Variants in SEMG2 observed in about 807,000 individuals in gnomAD.
The protein encoded by SEMG2 is semenogelin 2.
SEMG2 carries 3 observed loss-of-function variants against 8.1 expected under a neutral mutation model. That is an observed-to-expected ratio of 0.37 (90% CI 0.17 to 0.96). The LOEUF is 0.96. SEMG2 is among the 40% of genes least tolerant of loss of function. The pLI is 0.41. For synonymous variants in SEMG2, 252 were observed against 231.4 expected, an observed-to-expected ratio of 1.09 and a Z score of -0.81; for missense variants, 726 against 671.2, an observed-to-expected ratio of 1.08 and a Z score of -0.90.
At position 45,222,427 on chromosome 20, in the gene SEMG2, G is replaced by T. The variant is rs1473621444; in HGVS notation, c.795G>T (p.Lys265Asn). The change falls in exon 2 of 3, where the codon AAG (lysine) becomes AAT (asparagine). Residue 265 changes from lysine to asparagine, a missense_variant. Coordinates refer to ENST00000372769, the MANE Select transcript of SEMG2 (RefSeq NM_003008.3). Reference sequence around the variant, plus strand: ...AAGATGAGCTCCTAGTATATAACAAGAATCAACACCAGACAAAAAATCTCA... The same window carrying T: ...AAGATGAGCTCCTAGTATATAACAATAATCAACACCAGACAAAAAATCTCA... ...TTQDELLVYN[K>N]NQHQTKNLSQ... 1.9e-6 allele frequency: 3 copies of T among 1,613,918 alleles called. No homozygotes were observed. In the Admixed American group the frequency reaches 5.0e-5, roughly 27 times the overall value.
rs372989211 is a variant in SEMG2 at position 45,223,036 on chromosome 20, C to A, written c.1404C>A (p.Tyr468Ter). Reference sequence around the variant, plus strand: ...GCCATAAGGAAAATAAAATGTCATACCAATCTTCAAGTACAGAAGAAAGAC... The same window carrying A: ...GCCATAAGGAAAATAAAATGTCATAACAATCTTCAAGTACAGAAGAAAGAC... ...EHGHKENKMS[Y>*]QSSSTEERRL... is the part of the protein sequence containing the mutation. The change falls in exon 2 of 3, where the codon TAC (tyrosine) becomes TAA (stop). Residue 468 changes from tyrosine (Y) to a stop codon, truncating the protein, a stop_gained. Transcript: ENST00000372769. LOFTEE classifies it low-confidence loss of function (END_TRUNC). 7.4e-6 allele frequency: 12 copies of A among 1,613,982 alleles called. No individual in the cohort carries two copies. In the African/African-American group the frequency reaches 1.5e-4, roughly 20 times the overall value.
intron 1 of SEMG2, 51 bp downstream of exon 1, chr20:45,221,516 C>T: frequency 6.2e-7 from 1 of 1,602,526 alleles, no homozygotes; most frequent in Non-Finnish European, 8.5e-7. Flanking sequence ...AAAATGGCCT[C>T]TAAGGATATT....
chr20:45,223,266 G>A lies in SEMG2; in HGVS notation c.1634G>A (p.Arg545Lys). 1 of 1,614,140 alleles carries A rather than the reference G, an allele frequency of 6.2e-7. No homozygotes were observed. The highest frequency in any genetic ancestry group is 1.3e-5 in the African/African-American group (1 of 75,044). ...CTACTCAGTCATGAACAAAAAGGCA[G>A]ATACAAACAGGAATCCAGTGAGTCA... Reference protein sequence around the residue: ...QDLLSHEQKGRYKQESSESHN... With the variant: ...QDLLSHEQKGKYKQESSESHN... The change falls in exon 2 of 3, where the codon AGA (arginine) becomes AAA (lysine). Residue 545 changes from arginine to lysine, a missense_variant. Arg to Lys is a conservative substitution (Grantham distance 26). Transcript: ENST00000372769.
At position 45,222,495 on chromosome 20, in the gene SEMG2, A is replaced by AC; in HGVS notation, c.866dup (p.Ser290ValfsTer30). ...GGCCGGAAGGCACATAAAATATCATACCCGTCTTCACGTACAGAAGAAAGA... is the reference window on the plus strand; with the variant it reads ...GGCCGGAAGGCACATAAAATATCATACCCCGTCTTCACGTACAGAAGAAAGA... On this transcript the variant is annotated frameshift_variant, in exon 2 of 3. Transcript: ENST00000372769. LOFTEE classifies it low-confidence loss of function (END_TRUNC). 6.2e-7 allele frequency: 1 copy of AC among 1,613,930 alleles called. No homozygotes were observed. The highest frequency in any genetic ancestry group is 8.5e-7 in the Non-Finnish European group (1 of 1,179,974).
rs1984025527 is a variant in SEMG2, at chr20:45,221,993, G to A, written c.361G>A (p.Gly121Ser). The stretch of plus-strand genomic sequence containing the variant: ...AGGCAGAGACCATGATAAATCAAAA[G>A]GTCATTTTCACATGATAGTTATACA... Reference protein sequence around the residue: ...QEGRDHDKSKGHFHMIVIHHK... With the variant: ...QEGRDHDKSKSHFHMIVIHHK... Residue 121 changes from glycine (G) to serine (S), a missense_variant, in exon 2 of 3, where the codon GGT (glycine) becomes AGT (serine). Transcript: ENST00000372769. 4 of 1,613,894 alleles carry A rather than the reference G, an allele frequency of 2.5e-6. No individual in the cohort carries two copies. Among genetic ancestry groups the A allele is most frequent in the Non-Finnish European group, 3.4e-6 (4 of 1,179,988 alleles).
chr20:45,222,169 TG>T lies in SEMG2; in HGVS notation c.539del (p.Gly180ValfsTer22), dbSNP rs1568840772. Reference protein sequence around the residue: ...GLSKEQASASGAQKGRTQGGS... With the variant: ...GLSKEQASASXAQKGRTQGGS... Reference sequence around the variant, plus strand: ...TAAGTAAAGAACAAGCTTCAGCCTCTGGTGCACAAAAAGGTAGAACACAAGG... The same window carrying T: ...TAAGTAAAGAACAAGCTTCAGCCTCTGTGCACAAAAAGGTAGAACACAAGG... On this transcript the variant is annotated frameshift_variant, in exon 2 of 3. Coordinates refer to ENST00000372769, the MANE Select transcript of SEMG2 (RefSeq NM_003008.3). LOFTEE classifies it low-confidence loss of function (END_TRUNC). 1 of 1,614,072 alleles carries T rather than the reference TG, an allele frequency of 6.2e-7. No individual in the cohort carries two copies. Among genetic ancestry groups the T allele is most frequent in the Admixed American group, 1.7e-5 (1 of 60,008 alleles).
In SEMG2 at chr20:45,223,439, T is replaced by C; in HGVS notation, c.*44+14T>C. 2 of 1,278,888 alleles carry C rather than the reference T, an allele frequency of 1.6e-6. No individual in the cohort carries two copies. The highest frequency in any genetic ancestry group is 2.2e-6 in the Non-Finnish European group (2 of 909,358). The allele number at this position is 1,278,888 out of a possible 1,614,324, so 79.2% of individuals were successfully genotyped here. A position where few individuals can be genotyped will look rare whatever the true frequency, so the allele number is the denominator to read the frequency against. On this transcript the variant is annotated intron_variant, in intron 2 of 2. Transcript: ENST00000372769. The stretch of plus-strand genomic sequence containing the variant: ...ACCAATAGCAAGGTAAGTTTGCTTT[T>C]CTTACCAAATAGGAGAGGTGCCTGT...
Position 45,223,274 on chromosome 20 carries a change from C to G in SEMG2, c.1642C>G (p.Gln548Glu). 1 of 1,614,126 alleles carries G rather than the reference C, an allele frequency of 6.2e-7. No individual in the cohort carries two copies. Among genetic ancestry groups the G allele is most frequent in the Non-Finnish European group, 8.5e-7 (1 of 1,179,970 alleles). Residue 548 changes from glutamine (Q) to glutamate (E), a missense_variant, in exon 2 of 3, where the codon CAG becomes GAG. By Grantham distance (29) the Gln-to-Glu change is conservative (BLOSUM62 2). Coordinates refer to ENST00000372769, the MANE Select transcript of SEMG2 (RefSeq NM_003008.3). The stretch of plus-strand genomic sequence containing the variant: ...TCATGAACAAAAAGGCAGATACAAA[C>G]AGGAATCCAGTGAGTCACATAATAT... ...LSHEQKGRYK[Q>E]ESSESHNIVI...
Position 45,222,316 on chromosome 20 carries a change from G to A in SEMG2, c.684G>A (p.Glu228=). ...GHYQNVVDVR[E]EHSSKLQTSL... ...ACCAAAATGTGGTTGACGTGAGAGA[G>A]GAACATTCAAGTAAACTACAAACTT... Residue 228 remains glutamate (E), a synonymous_variant, in exon 2 of 3, where the codon GAG becomes GAA. Transcript: ENST00000372769. 1 of 1,614,054 alleles carries A rather than the reference G, an allele frequency of 6.2e-7. No homozygotes were observed. Among genetic ancestry groups the A allele is most frequent in the Non-Finnish European group, 8.5e-7 (1 of 1,179,992 alleles).
rs1411953069 is a variant in SEMG2, at chr20:45,221,521, G to C, written c.76+56G>C. 4 of 1,592,542 alleles carry C rather than the reference G, an allele frequency of 2.5e-6. No homozygotes were observed. In the African/African-American group the frequency reaches 4.0e-5, roughly 16 times the overall value. The stretch of plus-strand genomic sequence containing the variant: ...CTACTTTAAAAAAATGGCCTCTAAG[G>C]ATATTCAGGGTGCAAACAGTAACCT... On this transcript the variant is annotated intron_variant, in intron 1 of 2. Transcript: ENST00000372769.
In SEMG2 at chr20:45,223,006, G is replaced by A. The variant is rs1331183326; in HGVS notation, c.1374G>A (p.Glu458=). 1 of 1,614,136 alleles carries A rather than the reference G, an allele frequency of 6.2e-7. No individual in the cohort carries two copies. The change falls in exon 2 of 3, where the codon GAG becomes GAA. Residue 458 remains glutamate (E), a synonymous_variant. Transcript: ENST00000372769. ...NQVTIPSQDQ[E]HGHKENKMSY... is the part of the protein sequence containing the mutation. ...TAACAATTCCTAGTCAAGATCAAGAGCATGGCCATAAGGAAAATAAAATGT... is the reference window on the plus strand; with the variant it reads ...TAACAATTCCTAGTCAAGATCAAGAACATGGCCATAAGGAAAATAAAATGT...
chr20:45,223,405 A>G lies in SEMG2; in HGVS notation c.*24A>G. The G allele has an allele frequency of 1.3e-6, 2 of 1,539,574 alleles. No homozygotes were observed. Among genetic ancestry groups the G allele is most frequent in the Non-Finnish European group, 1.8e-6 (2 of 1,124,170 alleles). ...AGCCCTGTTGCTTAGCAACCACTTG[A>G]AAAGCTGGACCAATAGCAAGGTAAG... is the stretch of plus-strand genomic sequence containing the variant. On this transcript the variant is annotated 3_prime_UTR_variant, in exon 2 of 3. Transcript: ENST00000372769.
chr20:45,221,466 G>C lies in SEMG2; in HGVS notation c.76+1G>C. Reference sequence around the variant, plus strand: ...CAAGCAGCTGTGATGGGACAAAAAGGTGAGTGGAGAGGGTAAGCCTTGGGG... The same window carrying C: ...CAAGCAGCTGTGATGGGACAAAAAGCTGAGTGGAGAGGGTAAGCCTTGGGG... On this transcript the variant is annotated splice_donor_variant, in intron 1 of 2. Transcript: ENST00000372769. LOFTEE classifies it high-confidence loss of function. 1.9e-6 allele frequency: 3 copies of C among 1,614,114 alleles called. No individual in the cohort carries two copies. Among genetic ancestry groups the C allele is most frequent in the South Asian group, 2.2e-5 (2 of 91,084 alleles).
In SEMG2 at chr20:45,224,272, T is replaced by C. The variant is rs1441694893; in HGVS notation, c.*45-19T>C. ...CTCTCCACTATCCTCACATATCTGG[T>C]TGTCTTTTTTCTCCCTAGGTGTCAC... is the stretch of plus-strand genomic sequence containing the variant. On this transcript the variant is annotated intron_variant, in intron 2 of 2. Coordinates refer to ENST00000372769, the MANE Select transcript of SEMG2 (RefSeq NM_003008.3). 6.6e-6 allele frequency: 1 copy of C among 152,280 alleles called. No individual in the cohort carries two copies. The allele number at this position is 152,280 out of a possible 1,614,324, so 9.4% of individuals were successfully genotyped here.
At chr20:45,223,704 C>G (rs1184142694) in intron 2 of SEMG2, among the ~76,000 whole-genome samples, 1 of 152,160 alleles carries the variant, frequency 6.6e-6, no homozygotes, top group Non-Finnish European at 1.5e-5. Context: ...TTTGAACATG[C>G]ACTGACTATA....
In SEMG2 at chr20:45,224,293, G is replaced by A. The variant is rs903884497; in HGVS notation, c.*47G>A. 3.3e-5 allele frequency: 5 copies of A among 152,234 alleles called. No individual in the cohort carries two copies. Among genetic ancestry groups the A allele is most frequent in the African/African-American group, 1.2e-4 (5 of 41,404 alleles). The allele number at this position is 152,234 out of a possible 1,614,324, so 9.4% of individuals were successfully genotyped here. On this transcript the variant is annotated splice_region_variant and 3_prime_UTR_variant, in exon 3 of 3. Coordinates refer to ENST00000372769, the MANE Select transcript of SEMG2 (RefSeq NM_003008.3). ...CTGGTTGTCTTTTTTCTCCCTAGGT[G>A]TCACCCGACCTCAGTGAAGTCTTTG...
chr20:45,222,788 T>C lies in SEMG2; in HGVS notation c.1156T>C (p.Ser386Pro). The change falls in exon 2 of 3, where the codon TCT becomes CCT. Residue 386 changes from serine to proline, a missense_variant. Physicochemically the swap from Ser to Pro is moderately conservative, Grantham distance 74. Transcript: ENST00000372769. The part of the protein sequence containing the change: ...IQTEEQIHGK[S>P]QNQVRIPSQA... ...AACTGAAGAGCAAATACATGGCAAGTCTCAAAACCAGGTAAGAATTCCTAG... is the reference window on the plus strand; with the variant it reads ...AACTGAAGAGCAAATACATGGCAAGCCTCAAAACCAGGTAAGAATTCCTAG... 6.2e-7 allele frequency: 1 copy of C among 1,614,032 alleles called. No individual in the cohort carries two copies. The highest frequency in any genetic ancestry group is 8.5e-7 in the Non-Finnish European group (1 of 1,179,988).
At position 45,223,531 on chromosome 20, in the gene SEMG2, C is replaced by T. The variant is rs1029673601; in HGVS notation, c.*44+106C>T. On this transcript the variant is annotated intron_variant, in intron 2 of 2. Transcript: ENST00000372769. ...ACCATTGTTCACATCAATAGAAGTGCTATATTACAAGTGGTGGGAAGATGA... is the reference window on the plus strand; with the variant it reads ...ACCATTGTTCACATCAATAGAAGTGTTATATTACAAGTGGTGGGAAGATGA... 19 of 553,568 alleles carry T rather than the reference C, an allele frequency of 3.4e-5. 1 individual carries two copies. Among genetic ancestry groups the T allele is most frequent in the African/African-American group, 1.7e-4 (9 of 52,878 alleles). 34.3% of individuals were successfully genotyped at this position (553,568 alleles called of 1,614,324 possible).
chr20:45,222,097 A>T lies in SEMG2; in HGVS notation c.465A>T (p.Leu155Phe), dbSNP rs756283940. The T allele has an allele frequency of 6.2e-7, 1 of 1,613,946 alleles. No homozygotes were observed. Among genetic ancestry groups the T allele is most frequent in the South Asian group, 1.1e-5 (1 of 90,986 alleles). ...GGAATAGCCCATCTGGAAAGGGATTATCCAGTCAATGTTCAAACACAGAAA... is the reference window on the plus strand; with the variant it reads ...GGAATAGCCCATCTGGAAAGGGATTTTCCAGTCAATGTTCAAACACAGAAA... Reference protein sequence around the residue: ...DQGNSPSGKGLSSQCSNTEKR... With the variant: ...DQGNSPSGKGFSSQCSNTEKR... The change falls in exon 2 of 3, where the codon TTA becomes TTT. Residue 155 changes from leucine (L) to phenylalanine (F), a missense_variant. Leu to Phe is a conservative substitution (Grantham distance 22, BLOSUM62 0). Transcript: ENST00000372769.
Sources: allele counts gnomAD v4.1 joint callset (sites outside exome capture counted in the v4.1 genomes callset), GRCh38; gene constraint gnomAD v4.1.1; transcripts MANE v1.5; gene names NCBI Gene and HGNC (gene_info 2026-07-23, HGNC 2026-07-21).